Variants in RALGPS1 observed in about 807,000 individuals in gnomAD.
The protein encoded by RALGPS1 is ras-specific guanine nucleotide-releasing factor RalGPS1.
A neutral mutation model predicts 78.8 loss-of-function variants in RALGPS1; 19 were observed. That is an observed-to-expected ratio of 0.24 (90% CI 0.17 to 0.35). The LOEUF is 0.35. Among genes scored for constraint, RALGPS1 ranks in the 10% least tolerant of loss-of-function variants. RALGPS1 has a pLI of 1.00. For synonymous variants in RALGPS1, 228 were observed against 256.3 expected (o/e 0.89, Z 1.06); for missense variants, 454 against 688.3 (o/e 0.66, Z 3.81).
intron 4 of RALGPS1, among the ~76,000 whole-genome samples, chr9:127,023,228 G>A (rs2045635425): frequency 6.6e-6 from 1 of 152,136 alleles, no homozygotes; most frequent in African/African-American, 2.4e-5. Context: ...CTGCAACCTT[G>A]GGAAATAAAG....
intron 8 of RALGPS1, among the ~76,000 whole-genome samples, chr9:127,157,392 T>C (rs1329891948): frequency 6.6e-6 from 1 of 152,118 alleles, no homozygotes; most frequent in Non-Finnish European, 1.5e-5. Flanking sequence ...ACAACTCAGA[T>C]ACAAAGAGAT....
intron 8 of RALGPS1, among the ~76,000 whole-genome samples, chr9:127,082,003 T>G (rs975385642): frequency 1.3e-5 from 2 of 152,176 alleles, no homozygotes; most frequent in Non-Finnish European, 2.9e-5. Flanking sequence ...ATGGCTGGTA[T>G]TGAAACATCA....
intron 8 of RALGPS1, among the ~76,000 whole-genome samples, chr9:127,095,242 C>CA (rs1379915344): frequency 6.6e-6 from 1 of 151,988 alleles, no homozygotes; most frequent in Non-Finnish European, 1.5e-5. Flanking sequence ...ACTAAAAATA[C>CA]AAAAAATTAG....
At chr9:126,945,554 C>T (rs1332338658) in intron 1 of RALGPS1, among the ~76,000 whole-genome samples, 3 of 152,168 alleles carry the variant, frequency 2.0e-5, no homozygotes, top group Non-Finnish European at 4.4e-5. Context: ...TGAGGATGTG[C>T]TTAGAAGTCT....
intron 1 of RALGPS1, among the ~76,000 whole-genome samples, chr9:126,930,590 G>GT (rs1474623221): frequency 3.3e-5 from 5 of 152,080 alleles, no homozygotes; most frequent in Admixed American, 2.6e-4. Context: ...TTACAGGCCT[G>GT]TGCCACCATA....
intron 4 of RALGPS1, among the ~76,000 whole-genome samples, chr9:127,028,634 C>T (rs2046160311): frequency 6.6e-6 from 1 of 152,176 alleles, no homozygotes; most frequent in Non-Finnish European, 1.5e-5. Context: ...ATTTTCAGCC[C>T]CTGCACCCAC....
intron 11 of RALGPS1, among the ~76,000 whole-genome samples, chr9:127,182,064 G>C (rs1044195651): frequency 6.6e-6 from 1 of 151,754 alleles, no homozygotes; most frequent in Admixed American, 6.6e-5. Context: ...GGGGCCAGGC[G>C]TGGTGGTTCA....
rs946312868 is a variant in RALGPS1 at position 127,154,040 on chromosome 9, G to A, written c.611-12029G>A. ...TCTGAAGCTGACCCCAGCCAGTGAC[G>A]GCCCAGGCTCTCCCCTACCTTCCCA... is the stretch of plus-strand genomic sequence containing the variant. On this transcript the variant is annotated intron_variant, in intron 8 of 18. Transcript: ENST00000259351. Among the ~76,000 whole-genome samples the A allele has an allele frequency of 3.9e-5, 6 of 152,186 alleles. No individual in the cohort carries two copies. In the South Asian group the frequency reaches 1.0e-3, roughly 26 times the overall value.
At chr9:126,948,078 A>C (rs1205640337) in intron 1 of RALGPS1, among the ~76,000 whole-genome samples, 1 of 152,138 alleles carries the variant, frequency 6.6e-6, no homozygotes, top group Non-Finnish European at 1.5e-5. Context: ...TGTGTGCATT[A>C]AGATGCTACC....
At chr9:126,958,126 T>TAAAAAAAAAAAA (rs11290290) in intron 1 of RALGPS1, among the ~76,000 whole-genome samples, 39 of 77,540 alleles carry the variant, frequency 5.0e-4, no homozygotes, top group East Asian at 2.2e-3. Flanking sequence ...GCTGTCTCTT[T>TAAAAAAAAAAAA]AAAAAAAAAA....
At chr9:127,172,039 C>G (rs1369472839) in intron 10 of RALGPS1, among the ~76,000 whole-genome samples, 1 of 152,194 alleles carries the variant, frequency 6.6e-6, no homozygotes, top group Non-Finnish European at 1.5e-5. Flanking sequence ...GTTTTTACCA[C>G]CTGTTGTTTC....
At chr9:126,977,802 T>C in intron 4 of RALGPS1, 57 bp downstream of exon 4, 1 of 1,301,990 alleles carries the variant, frequency 7.7e-7, no homozygotes, top group South Asian at 1.3e-5. Context: ...AGCGAGGATT[T>C]AGCCAGCCAC....
intron 8 of RALGPS1, chr9:127,079,790 A>C (rs2051006305): frequency 6.6e-6 from 1 of 152,242 alleles, no homozygotes; most frequent in Non-Finnish European, 1.5e-5. Flanking sequence ...AGAGACACCC[A>C]GCTAAGACAT....
chr9:127,179,199 A>C (rs1385058218), intron 11 of RALGPS1, among the ~76,000 whole-genome samples: 1 of 152,174 alleles, frequency 6.6e-6, no homozygotes, highest in Admixed American at 6.5e-5. Flanking sequence ...TCAGCCCTGG[A>C]AGCAGGATGT....
intron 9 of RALGPS1, among the ~76,000 whole-genome samples, chr9:127,166,529 G>A (rs2059299251): frequency 6.6e-6 from 1 of 152,108 alleles, no homozygotes; most frequent in Admixed American, 6.6e-5. Context: ...AGCTTTCTGG[G>A]CAGCTCTCCT....
rs551682281 is a variant in RALGPS1, at chr9:127,190,946, A to G, written c.911-4145A>G. ...TTTTACCATCTGTTGTAATAAAAAG[A>G]TATCTCCTTTTACTCTCATTTGCAT... is the stretch of plus-strand genomic sequence containing the variant. On this transcript the variant is annotated intron_variant, in intron 11 of 18. Transcript: ENST00000259351. Among the ~76,000 whole-genome samples the G allele has an allele frequency of 3.3e-5, 5 of 152,328 alleles. No individual in the cohort carries two copies. In the East Asian group the frequency reaches 9.6e-4, roughly 29 times the overall value.
chr9:127,016,218 C>G lies in RALGPS1; in HGVS notation c.217-18213C>G, dbSNP rs74481945. On this transcript the variant is annotated intron_variant, in intron 4 of 18. Transcript: ENST00000259351. ...CCCACCCCTTCCTGACTGTCTCTCT[C>G]GGACTCAACCTCTCCATTTGCCCTC... Among the ~76,000 whole-genome samples the G allele has an allele frequency of 5.3e-4, 81 of 152,278 alleles. 1 individual carries two copies. In the East Asian group the frequency reaches 0.014, roughly 26 times the overall value.
intron 8 of RALGPS1, among the ~76,000 whole-genome samples, chr9:127,086,093 A>G (rs1319641298): frequency 1.3e-5 from 2 of 152,128 alleles, no homozygotes; most frequent in African/African-American, 4.8e-5. Flanking sequence ...AGCTTCTGTG[A>G]AGGTGACGTA....
At position 127,047,808 on chromosome 9, in the gene RALGPS1, C is replaced by A. The variant is rs566931833; in HGVS notation, c.301-2235C>A. Among the ~76,000 whole-genome samples, 4 of 152,166 alleles carry A rather than the reference C, an allele frequency of 2.6e-5. No homozygotes were observed. In the South Asian group the frequency reaches 8.3e-4, roughly 32 times the overall value. On this transcript the variant is annotated intron_variant, in intron 5 of 18. Transcript: ENST00000259351. Reference sequence around the variant, plus strand: ...GTCTTTTTGTACTTATCTCTTACGACTTACTTTTGTACTTATCTCTTATTC... The same window carrying A: ...GTCTTTTTGTACTTATCTCTTACGAATTACTTTTGTACTTATCTCTTATTC...
Sources: allele counts gnomAD v4.1 joint callset (sites outside exome capture counted in the v4.1 genomes callset), GRCh38; gene constraint gnomAD v4.1.1; transcripts MANE v1.5; gene names NCBI Gene and HGNC (gene_info 2026-07-23, HGNC 2026-07-21).